The following ANKH variants were observed in gnomAD, a reference collection of about 807,000 sequenced individuals.
ANKH encodes the protein mineralization regulator ANKH.
A neutral mutation model predicts 49.0 loss-of-function variants in ANKH; 15 were observed. The ratio of observed to expected loss-of-function variants is 0.31; its 90% CI spans 0.20 to 0.47. The LOEUF (loss-of-function observed/expected upper bound fraction) is 0.47, where lower values mean the gene tolerates loss of function less well. Ranked by LOEUF, ANKH falls within the 20% of genes least tolerant of loss-of-function variation. The pLI is 1.00. For missense variants in ANKH, 429 were observed against 652.0 expected (o/e 0.66, Z 3.72); for synonymous variants, 273 against 260.0 (o/e 1.05, Z -0.48).
rs1739410463 is a variant in ANKH at position 14,770,936 on chromosome 5, T to G, written c.97-1745A>C. ...TCATCCAATAGAGACACAATCACAT[T>G]CATAGAATTCATATTCAGTCTCTGC... On this transcript the variant is annotated intron_variant, in intron 1 of 11. Coordinates refer to ENST00000284268, the MANE Select transcript of ANKH (RefSeq NM_054027.6). The surrounding 1 kb of genome is among the most constrained non-coding windows in gnomAD (Gnocchi z 4.1). Among the ~76,000 whole-genome samples the G allele has an allele frequency of 6.6e-6, 1 of 152,224 alleles. No homozygotes were observed. The highest frequency in any genetic ancestry group is 2.4e-5 in the African/African-American group (1 of 41,450).
chr5:14,841,278 A>T (rs1347050693), intron 1 of ANKH, among the ~76,000 whole-genome samples: 1 of 151,960 alleles, frequency 6.6e-6, no homozygotes, highest in Non-Finnish European at 1.5e-5. Flanking sequence ...TAAAATAGAC[A>T]TAACATAAAA....
At chr5:14,817,332 T>C (rs1741069452) in intron 1 of ANKH, among the ~76,000 whole-genome samples, 1 of 152,044 alleles carries the variant, frequency 6.6e-6, no homozygotes, top group Non-Finnish European at 1.5e-5. Flanking sequence ...TAGAAACTGC[T>C]AAACATGAGT....
chr5:14,809,976 C>A (rs1323202109), intron 1 of ANKH, among the ~76,000 whole-genome samples: 3 of 152,072 alleles, frequency 2.0e-5, no homozygotes, highest in African/African-American at 7.2e-5. Context: ...TGAATTCAAG[C>A]CACAGACACG....
intron 1 of ANKH, among the ~76,000 whole-genome samples, chr5:14,814,361 G>A (rs1263765733): frequency 6.6e-6 from 1 of 152,228 alleles, no homozygotes; most frequent in Non-Finnish European, 1.5e-5. Context: ...AGCACTTTGG[G>A]AGGCTGAGGC....
chr5:14,715,749 G>A (rs1737427101), intron 9 of ANKH, among the ~76,000 whole-genome samples: 1 of 152,226 alleles, frequency 6.6e-6, no homozygotes, highest in African/African-American at 2.4e-5. Context: ...GGAAATGGTT[G>A]TATACTAATC....
At chr5:14,786,430 G>A (rs1233073355) in intron 1 of ANKH, among the ~76,000 whole-genome samples, 2 of 152,088 alleles carry the variant, frequency 1.3e-5, no homozygotes, top group Non-Finnish European at 1.5e-5. Context: ...TTTTTATTTG[G>A]ACCTGGGCAA....
chr5:14,728,687 A>G (rs1737897721), intron 8 of ANKH, among the ~76,000 whole-genome samples: 2 of 152,202 alleles, frequency 1.3e-5, no homozygotes, highest in Non-Finnish European at 2.9e-5. Flanking sequence ...TTGCCACAGG[A>G]AGGTGAGACA....
intron 5 of ANKH, among the ~76,000 whole-genome samples, 156 bp downstream of exon 5, chr5:14,750,913 C>A (rs1193896122): frequency 6.6e-6 from 1 of 152,224 alleles, no homozygotes; most frequent in Non-Finnish European, 1.5e-5. Flanking sequence ...CTCCAACTGT[C>A]TTTCCCTGCA....
rs374870790 is a variant in ANKH at position 14,746,005 on chromosome 5, G to T, written c.823-43C>A. The T allele has an allele frequency of 4.5e-6, 7 of 1,547,412 alleles. No homozygotes were observed. The Middle Eastern group carries it at 5.6e-4, about 123-fold the overall frequency. On this transcript the variant is annotated intron_variant, in intron 6 of 11. Coordinates refer to ENST00000284268, the MANE Select transcript of ANKH (RefSeq NM_054027.6). ...GGCAGAGTTAGCAGGGTACCAGCAG[G>T]AAGTCCTCCAGGAGCTACAGTAGGT...
chr5:14,710,753 T>G lies in ANKH; in HGVS notation c.*444A>C, dbSNP rs974417654. On this transcript the variant is annotated 3_prime_UTR_variant, in exon 12 of 12. Transcript: ENST00000284268. ...TACGGCCATGTGACTGGGAAGCAAA[T>G]CAAAGGAAGCCGAGTTTTAACCTGT... 5.1e-6 allele frequency: 1 copy of G among 197,128 alleles called. No homozygotes were observed. The allele number at this position is 197,128 out of a possible 1,614,324, so 12.2% of individuals were successfully genotyped here. A position where few individuals can be genotyped will look rare whatever the true frequency, so the allele number is the denominator to read the frequency against.
At chr5:14,769,589 A>G (rs1230618919) in intron 1 of ANKH, among the ~76,000 whole-genome samples, 1 of 151,780 alleles carries the variant, frequency 6.6e-6, no homozygotes, top group Non-Finnish European at 1.5e-5. Flanking sequence ...AGTTTATATC[A>G]AGGGGATGGG....
At chr5:14,864,098 C>A (rs1735577911) in intron 1 of ANKH, among the ~76,000 whole-genome samples, 1 of 152,162 alleles carries the variant, frequency 6.6e-6, no homozygotes, top group South Asian at 2.1e-4. Context: ...CCTGGAATCC[C>A]AGCTACTCAG....
At position 14,713,032 on chromosome 5, in the gene ANKH, C is replaced by G. The variant is rs111378592; in HGVS notation, c.1266-59G>C. 1 of 1,512,220 alleles carries G rather than the reference C, an allele frequency of 6.6e-7. No homozygotes were observed. The highest frequency in any genetic ancestry group is 9.1e-7 in the Non-Finnish European group (1 of 1,103,986). The allele number at this position is 1,512,220 out of a possible 1,614,324, so 93.7% of individuals were successfully genotyped here. A position where few individuals can be genotyped will look rare whatever the true frequency, so the allele number is the denominator to read the frequency against. ...TAAGGCCAAGTCAAGGCACAACCGT[C>G]GATGCCAAAACCCAGGAAAGTAAGT... On this transcript the variant is annotated intron_variant, in intron 10 of 11. Transcript: ENST00000284268. The surrounding 1 kb of genome is among the most constrained non-coding windows in gnomAD (Gnocchi z 4.4).
chr5:14,797,683 C>T, intron 1 of ANKH: 3 of 1,598,844 alleles, frequency 1.9e-6, no homozygotes, highest in Non-Finnish European at 1.7e-6. Flanking sequence ...AACAGAGACT[C>T]ACAGAGTAGA....
Position 14,781,256 on chromosome 5 carries a change from T to C in ANKH, c.97-12065A>G, listed in dbSNP as rs373495097. On this transcript the variant is annotated intron_variant, in intron 1 of 11. Coordinates refer to ENST00000284268, the MANE Select transcript of ANKH (RefSeq NM_054027.6). ...TTAGCTAGAGCTTCAGCCAAGAACT[T>C]CACGCCCACACATGAGGTTGTGGTT... Among the ~76,000 whole-genome samples, 13 of 152,326 alleles carry C rather than the reference T, an allele frequency of 8.5e-5. No individual in the cohort carries two copies. The East Asian group carries it at 2.3e-3, about 27-fold the overall frequency.
intron 1 of ANKH, among the ~76,000 whole-genome samples, chr5:14,838,335 T>C (rs932414822): frequency 1.3e-5 from 2 of 151,840 alleles, no homozygotes; most frequent in African/African-American, 2.4e-5. Flanking sequence ...TGTATACATA[T>C]GTAATAAACC....
At chr5:14,862,261 T>G (rs1417178340) in intron 1 of ANKH, among the ~76,000 whole-genome samples, 1 of 152,154 alleles carries the variant, frequency 6.6e-6, no homozygotes, top group Non-Finnish European at 1.5e-5. Flanking sequence ...AAAGAGCATT[T>G]TTGCTATGAA....
intron 1 of ANKH, among the ~76,000 whole-genome samples, chr5:14,790,991 T>C (rs755845079): frequency 1.2e-4 from 19 of 152,170 alleles, no homozygotes; most frequent in Non-Finnish European, 1.9e-4. Context: ...CTCACTTCAT[T>C]AATCCTCCTG....
At chr5:14,765,306 T>A (rs1341510723) in intron 2 of ANKH, among the ~76,000 whole-genome samples, 2 of 152,348 alleles carry the variant, frequency 1.3e-5, no homozygotes, top group East Asian at 3.9e-4. Context: ...AGAGCCAGGC[T>A]ATGGGTGTGC....
Sources: allele counts gnomAD v4.1 joint callset (sites outside exome capture counted in the v4.1 genomes callset), GRCh38; gene constraint gnomAD v4.1.1; non-coding constraint Gnocchi (gnomAD v3.1); transcripts MANE v1.5; gene names NCBI Gene and HGNC (gene_info 2026-07-23, HGNC 2026-07-21).